The following LNX2 variants were observed in gnomAD, a reference collection of about 807,000 sequenced individuals.
LNX2 encodes ligand of numb-protein X 2, also known as ligand of Numb protein X 2.
A neutral mutation model predicts 66.2 loss-of-function variants in LNX2; 35 were observed. The observed-to-expected ratio is 0.53, with a 90% CI of 0.40 to 0.70. The LOEUF is 0.70. Among genes scored for constraint, LNX2 ranks in the 30% least tolerant of loss-of-function variants. The pLI, the probability that LNX2 is intolerant of heterozygous loss-of-function variation, is 0.00. For missense variants in LNX2, 791 were observed against 850.8 expected, an observed-to-expected ratio of 0.93 and a Z score of 0.87; for synonymous variants, 337 against 315.6, an observed-to-expected ratio of 1.07 and a Z score of -0.72.
chr13:27,572,472 G>T (rs1448420177), intron 2 of LNX2, among the ~76,000 whole-genome samples: 1 of 152,208 alleles, frequency 6.6e-6, no homozygotes, highest in Non-Finnish European at 1.5e-5. Context: ...ATCTGCCATG[G>T]GCTGAGGGCT....
intron 1 of LNX2, among the ~76,000 whole-genome samples, chr13:27,612,111 G>T (rs1250208620): frequency 6.6e-6 from 1 of 152,212 alleles, no homozygotes; most frequent in East Asian, 1.9e-4. Context: ...AATCACAGCA[G>T]ATCATCTCAT....
chr13:27,561,142 T>C (rs1955130758), intron 5 of LNX2, among the ~76,000 whole-genome samples: 1 of 152,200 alleles, frequency 6.6e-6, no homozygotes, highest in African/African-American at 2.4e-5. Context: ...TAAAATATGA[T>C]CACGGACAAT....
At chr13:27,574,941 G>C (rs1422977555) in intron 2 of LNX2, among the ~76,000 whole-genome samples, 1 of 151,940 alleles carries the variant, frequency 6.6e-6, no homozygotes, top group Non-Finnish European at 1.5e-5. Context: ...ACAGAGAAGG[G>C]GAGAAAACTC....
In LNX2 at chr13:27,576,599, G is replaced by A. The variant is rs185705118; in HGVS notation, c.407+4698C>T. Among the ~76,000 whole-genome samples the A allele has an allele frequency of 3.2e-3, 482 of 151,804 alleles. 5 individuals are homozygous for A. The highest frequency in any genetic ancestry group is 9.8e-3 in the African/African-American group (404 of 41,372). The stretch of plus-strand genomic sequence containing the variant: ...AAATTAGTTGGGCATGGTGGAGTGC[G>A]CCTGTAGTCCCAGCTACTCGGATGC... On this transcript the variant is annotated intron_variant, in intron 2 of 9. Coordinates refer to ENST00000316334, the MANE Select transcript of LNX2 (RefSeq NM_153371.4).
chr13:27,559,028 T>C (rs1276309562), intron 6 of LNX2, among the ~76,000 whole-genome samples: 1 of 152,168 alleles, frequency 6.6e-6, no homozygotes, highest in Non-Finnish European at 1.5e-5. Context: ...ATTTAGCTTT[T>C]ATTTTTGCAT....
At chr13:27,554,980 C>G (rs567754343) in intron 7 of LNX2, among the ~76,000 whole-genome samples, 85 of 152,270 alleles carry the variant, frequency 5.6e-4, no homozygotes, top group Non-Finnish European at 1.2e-3. Context: ...GAGACAGGAT[C>G]TCACTCTGAT....
At chr13:27,588,399 A>T (rs978821843) in intron 1 of LNX2, among the ~76,000 whole-genome samples, 2 of 152,232 alleles carry the variant, frequency 1.3e-5, no homozygotes, top group Admixed American at 6.5e-5. Context: ...CCAGAAGATT[A>T]TGAGCGAAAA....
intron 1 of LNX2, among the ~76,000 whole-genome samples, chr13:27,612,251 CAAG>C (rs1566134851): frequency 6.6e-6 from 1 of 152,156 alleles, no homozygotes; most frequent in Admixed American, 6.5e-5. Flanking sequence ...TTGGGGCTAA[CAAG>C]ACCCATATGA....
rs1456101243 is a variant in LNX2 at position 27,583,241 on chromosome 13, T to TGCGC, written c.-100-1439_-100-1438insGCGC. Among the ~76,000 whole-genome samples, 4 of 20,544 alleles carry TGCGC rather than the reference T, an allele frequency of 1.9e-4. 1 individual carries two copies. Among genetic ancestry groups the TGCGC allele is most frequent in the Non-Finnish European group, 3.6e-4 (4 of 11,184 alleles). The allele number at this position is 20,544 out of a possible 152,430, so 13.5% of individuals were successfully genotyped here. A position where few individuals can be genotyped will look rare whatever the true frequency, so the allele number is the denominator to read the frequency against. ...GTGTGTGTGTGTGTGTGTGTGTGTGTGTGTGTGTGTGTGTGCGCGCGTCCT... is the reference window on the plus strand; with the variant it reads ...GTGTGTGTGTGTGTGTGTGTGTGTGTGCGCGTGTGTGTGTGTGTGCGCGCGTCCT... On this transcript the variant is annotated intron_variant, in intron 1 of 9. Coordinates refer to ENST00000316334, the MANE Select transcript of LNX2 (RefSeq NM_153371.4).
chr13:27,569,711 A>G (rs1352269894), intron 2 of LNX2, among the ~76,000 whole-genome samples: 1 of 152,026 alleles, frequency 6.6e-6, no homozygotes, highest in Admixed American at 6.5e-5. Context: ...TTGTGCCACC[A>G]TGCTTCTACA....
chr13:27,605,958 G>A (rs1955710312), intron 1 of LNX2, among the ~76,000 whole-genome samples: 1 of 151,796 alleles, frequency 6.6e-6, no homozygotes, highest in African/African-American at 2.4e-5. Flanking sequence ...TGAACTCAAG[G>A]AAAAGACCAC....
At chr13:27,620,198 C>T (rs1955881889) in intron 1 of LNX2, among the ~76,000 whole-genome samples, 177 bp downstream of exon 1, 1 of 152,054 alleles carries the variant, frequency 6.6e-6, no homozygotes, top group Non-Finnish European at 1.5e-5. Context: ...AGCCCCGCAG[C>T]CCGGGCGAGC....
chr13:27,552,556 T>C (rs892224520), intron 8 of LNX2, among the ~76,000 whole-genome samples: 4 of 152,022 alleles, frequency 2.6e-5, no homozygotes, highest in African/African-American at 4.8e-5. Context: ...CAAATGATGA[T>C]AGGAACACAT....
chr13:27,601,832 G>A (rs761925498), intron 1 of LNX2, among the ~76,000 whole-genome samples: 3 of 152,052 alleles, frequency 2.0e-5, no homozygotes, highest in Admixed American at 6.6e-5. Context: ...GATTACAGGC[G>A]TGTTGAACCA....
rs190179421 is a variant in LNX2, at chr13:27,587,294, C to T, written c.-100-5491G>A. ...CCTCCTACTCTTGAGCGCTCCCCCCCTTCCCTTCTGCTCCTGCTGCCCTTT... is the reference window on the plus strand; with the variant it reads ...CCTCCTACTCTTGAGCGCTCCCCCCTTTCCCTTCTGCTCCTGCTGCCCTTT... On this transcript the variant is annotated intron_variant, in intron 1 of 9. Transcript: ENST00000316334. 4.2e-3 allele frequency among the ~76,000 whole-genome samples: 639 copies of T among 152,270 alleles called. 7 individuals are homozygous for T. The highest frequency in any genetic ancestry group is 0.013 in the South Asian group (63 of 4,826).
intron 2 of LNX2, among the ~76,000 whole-genome samples, chr13:27,571,395 A>C (rs914209943): frequency 6.6e-6 from 1 of 152,226 alleles, no homozygotes; most frequent in African/African-American, 2.4e-5. Context: ...TTATACTACA[A>C]ACATTTCTTT....
chr13:27,583,261 C>CGCGCGCGT lies in LNX2; in HGVS notation c.-100-1459_-100-1458insACGCGCGC, dbSNP rs11281345. 4.3e-3 allele frequency among the ~76,000 whole-genome samples: 196 copies of CGCGCGCGT among 45,468 alleles called. 60 individuals carry two copies. Among genetic ancestry groups the CGCGCGCGT allele is most frequent in the Middle Eastern group, 0.01 (1 of 96 alleles). 29.8% of individuals were successfully genotyped at this position (45,468 alleles called of 152,430 possible). A position where few individuals can be genotyped will look rare whatever the true frequency, so the allele number is the denominator to read the frequency against. On this transcript the variant is annotated intron_variant, in intron 1 of 9. Transcript: ENST00000316334. The stretch of plus-strand genomic sequence containing the variant: ...GTGTGTGTGTGTGTGTGTGTGCGCG[C>CGCGCGCGT]GTCCTCTCCAACATACTTATTTTTA...
Position 27,581,458 on chromosome 13 carries a change from A to C in LNX2, c.246T>G (p.Asp82Glu), listed in dbSNP as rs757194307. 4.3e-6 allele frequency: 7 copies of C among 1,611,068 alleles called. No homozygotes were observed. Among genetic ancestry groups the C allele is most frequent in the Non-Finnish European group, 5.9e-6 (7 of 1,177,716 alleles). ...GTCTTTTCCGGTCCAACGGACAGAAATCTTTCTCTTGTAAAAAGTTTCTGA... is the reference window on the plus strand; with the variant it reads ...GTCTTTTCCGGTCCAACGGACAGAACTCTTTCTCTTGTAAAAAGTTTCTGA... Reference protein sequence around the residue: ...KCLRNFLQEKDFCPLDRKRLH... With the variant: ...KCLRNFLQEKEFCPLDRKRLH... Residue 82 changes from aspartate (D) to glutamate (E), a missense_variant, in exon 2 of 10, where the codon GAT becomes GAG. Physicochemically the swap from Asp to Glu is conservative, Grantham distance 45. Coordinates refer to ENST00000316334, the MANE Select transcript of LNX2 (RefSeq NM_153371.4).
At chr13:27,573,063 T>C (rs986051619) in intron 2 of LNX2, among the ~76,000 whole-genome samples, 1 of 152,186 alleles carries the variant, frequency 6.6e-6, no homozygotes, top group African/African-American at 2.4e-5. Flanking sequence ...CAAAGAATTA[T>C]AGCAGTAGGG....
Sources: allele counts gnomAD v4.1 joint callset (sites outside exome capture counted in the v4.1 genomes callset), GRCh38; gene constraint gnomAD v4.1.1; transcripts MANE v1.5; gene names NCBI Gene and HGNC (gene_info 2026-07-23, HGNC 2026-07-21).